Variants in SLC14A2 observed in about 807,000 individuals in gnomAD.
SLC14A2 encodes the protein solute carrier family 14 member 2, also known as urea transporter 2.
Under a neutral mutation model 104.6 loss-of-function variants are expected in SLC14A2, and 91 were observed. The observed-to-expected ratio is 0.87, with a 90% confidence interval of 0.73 to 1.04. The LOEUF (loss-of-function observed/expected upper bound fraction) is 1.04. Among genes scored for constraint, SLC14A2 ranks in the 50% least tolerant of loss-of-function variants. The pLI is 0.00. For synonymous variants in SLC14A2, 476 were observed against 466.4 expected, an observed-to-expected ratio of 1.02 and a Z score of -0.27; for missense variants, 1,189 against 1,156.0, an observed-to-expected ratio of 1.03 and a Z score of -0.41.
intron 1 of SLC14A2, among the ~76,000 whole-genome samples, chr18:45,310,113 C>T (rs924563001): frequency 2.6e-5 from 4 of 152,080 alleles, no homozygotes; most frequent in African/African-American, 9.7e-5. Context: ...AACTTACTGT[C>T]GATGGACATT....
At chr18:45,596,102 C>T (rs1418356691) in intron 2 of SLC14A2, among the ~76,000 whole-genome samples, 2 of 152,196 alleles carry the variant, frequency 1.3e-5, no homozygotes, top group African/African-American at 4.8e-5. Flanking sequence ...GGCACCTCTC[C>T]TCTCTAGTCT....
intron 2 of SLC14A2, among the ~76,000 whole-genome samples, chr18:45,537,181 C>A (rs972911360): frequency 6.6e-6 from 1 of 151,730 alleles, no homozygotes; most frequent in Non-Finnish European, 1.5e-5. Context: ...AAAATAGACA[C>A]AAAAGCAACA....
chr18:45,606,174 C>T (rs745623138), intron 2 of SLC14A2, among the ~76,000 whole-genome samples: 8 of 152,096 alleles, frequency 5.3e-5, no homozygotes, highest in Non-Finnish European at 1.0e-4. Context: ...GAAATCCTTA[C>T]TCCTTTATGC....
chr18:45,454,510 T>C (rs771583388), intron 1 of SLC14A2, among the ~76,000 whole-genome samples: 27 of 152,308 alleles, frequency 1.8e-4, no homozygotes, highest in Non-Finnish European at 2.9e-4. Flanking sequence ...TTAGTTTAAT[T>C]AGATCCCATT....
chr18:45,384,719 G>C (rs541558650), intron 1 of SLC14A2, among the ~76,000 whole-genome samples: 73 of 152,156 alleles, frequency 4.8e-4, no homozygotes, highest in Non-Finnish European at 9.0e-4. Flanking sequence ...GTGGTGACCT[G>C]TCTTGCATCT....
rs545524217 is a variant in SLC14A2 at position 45,587,110 on chromosome 18, G to T, written c.-34-37521G>T. ...CTGCCTCAGCCTACTGACTAGCTGG[G>T]ATTACAGGCACATACCACCACACCC... On this transcript the variant is annotated intron_variant, in intron 2 of 20. Coordinates refer to the SLC14A2 transcript ENST00000586448. Among the ~76,000 whole-genome samples the T allele has an allele frequency of 5.9e-5, 9 of 152,204 alleles. No homozygotes were observed. In the East Asian group the frequency reaches 1.7e-3, roughly 29 times the overall value.
chr18:45,309,042 G>A (rs771186725), intron 1 of SLC14A2, among the ~76,000 whole-genome samples: 12 of 152,136 alleles, frequency 7.9e-5, no homozygotes, highest in South Asian at 2.1e-4. Flanking sequence ...TATCTGACAG[G>A]TAGAGTTCAC....
At chr18:45,188,410 A>G in the SLC14A2 span, among the ~76,000 whole-genome samples, 1 of 152,094 alleles carries the variant, frequency 6.6e-6, no homozygotes, top group Non-Finnish European at 1.5e-5. Flanking sequence ...GTAGGTTACC[A>G]TCTTTTCTTT....
At chr18:45,209,372 AC>A (rs1242527124), upstream of SLC14A2, among the ~76,000 whole-genome samples, 99 of 151,716 alleles carry the variant, frequency 6.5e-4, no homozygotes, top group African/African-American at 1.9e-3. Flanking sequence ...AACAACAACA[AC>A]AACAACTGTG....
At chr18:45,671,893 G>A (rs2046145881) in intron 16 of SLC14A2, among the ~76,000 whole-genome samples, 1 of 152,186 alleles carries the variant, frequency 6.6e-6, no homozygotes, top group Admixed American at 6.5e-5. Flanking sequence ...CCTGTGGCTG[G>A]GGAAGCCCGC....
At chr18:45,181,581 C>G in the SLC14A2 span, among the ~76,000 whole-genome samples, 1 of 152,050 alleles carries the variant, frequency 6.6e-6, no homozygotes. Flanking sequence ...ATAAAATTCC[C>G]AGATACATAT....
chr18:45,568,788 A>G (rs896652207), intron 2 of SLC14A2, among the ~76,000 whole-genome samples: 15 of 152,162 alleles, frequency 9.9e-5, no homozygotes, highest in African/African-American at 3.6e-4. Flanking sequence ...ATCCACAGAG[A>G]CTTGAGGGGT....
intron 1 of SLC14A2, among the ~76,000 whole-genome samples, chr18:45,267,874 A>C (rs1369189398): frequency 6.6e-6 from 1 of 152,160 alleles, no homozygotes; most frequent in African/African-American, 2.4e-5. Context: ...ACAGAATTAT[A>C]AAGAGATAAA....
intron 1 of SLC14A2, among the ~76,000 whole-genome samples, chr18:45,339,855 A>T (rs2085376142): frequency 6.6e-6 from 1 of 152,250 alleles, no homozygotes; most frequent in Admixed American, 6.5e-5. Flanking sequence ...AAAAGGATGC[A>T]CTGTTAATAG....
chr18:45,303,555 C>T (rs906987373), intron 1 of SLC14A2, among the ~76,000 whole-genome samples: 2 of 152,238 alleles, frequency 1.3e-5, no homozygotes, highest in Non-Finnish European at 2.9e-5. Context: ...CTGCTGCTCT[C>T]GTCCTGGTGG....
At chr18:45,606,214 T>C (rs1393664003) in intron 2 of SLC14A2, among the ~76,000 whole-genome samples, 2 of 152,084 alleles carry the variant, frequency 1.3e-5, no homozygotes, top group Non-Finnish European at 2.9e-5. Context: ...AAAATTCCTT[T>C]CTAATTATTC....
intron 2 of SLC14A2, among the ~76,000 whole-genome samples, chr18:45,575,651 A>G (rs16960329): frequency 0.046 from 6,957 of 152,316 alleles, 196 homozygotes; most frequent in Non-Finnish European, 0.064. Context: ...TGGCCTTCCC[A>G]TAAATCAGGG....
intron 1 of SLC14A2, among the ~76,000 whole-genome samples, chr18:45,336,466 A>G (rs533532998): frequency 1.5e-4 from 23 of 152,194 alleles, no homozygotes; most frequent in Non-Finnish European, 3.1e-4. Flanking sequence ...CTGAGATCCT[A>G]AGATGCTGAT....
At chr18:45,674,438 C>A (rs1420847253) in intron 18 of SLC14A2, among the ~76,000 whole-genome samples, 1 of 152,150 alleles carries the variant, frequency 6.6e-6, no homozygotes, top group African/African-American at 2.4e-5. Flanking sequence ...CAGCTATGGC[C>A]ACATATTTGT....
Sources: gnomAD v4.1 joint callset for allele counts (sites outside exome capture counted in the v4.1 genomes callset) on GRCh38, gnomAD v4.1.1 for gene constraint, MANE v1.5 for transcripts, NCBI Gene and HGNC (gene_info 2026-07-23, HGNC 2026-07-21) for gene names.